Variants in CLDN1 observed in about 807,000 individuals in gnomAD.
The protein encoded by CLDN1 is claudin 1.
Under a neutral mutation model 22.6 loss-of-function variants are expected in CLDN1, and 12 were observed. That is an observed-to-expected ratio of 0.53 (90% CI 0.34 to 0.86). CLDN1 has a LOEUF of 0.86. Among genes scored for constraint, CLDN1 ranks in the 40% least tolerant of loss-of-function variants. The pLI, the probability that CLDN1 is intolerant of heterozygous loss-of-function variation, is 0.02. For missense variants in CLDN1, 250 were observed against 269.5 expected (o/e 0.93, Z 0.51); for synonymous variants, 99 against 103.8 (o/e 0.95, Z 0.28).
chr3:190,315,668 A>C (rs1716746371), intron 1 of CLDN1, among the ~76,000 whole-genome samples: 1 of 152,152 alleles, frequency 6.6e-6, no homozygotes, highest in Non-Finnish European at 1.5e-5. Flanking sequence ...TAATCATTTT[A>C]GATGTTTTCT....
chr3:190,321,890 T>A (rs2108616571), intron 1 of CLDN1, 94 bp downstream of exon 1: 1 of 913,270 alleles, frequency 1.1e-6, no homozygotes, highest in Non-Finnish European at 1.8e-6. Context: ...TGAAGACTGA[T>A]AACCATGGAA....
Position 190,307,415 on chromosome 3 carries a change from A to G in CLDN1, c.*862T>C, listed in dbSNP as rs1456149362. Reference sequence around the variant, plus strand: ...GTGTTACAACACCTGGGGGAACAGCATGCAGCTACTCAATTGGACAAATAT... The same window carrying G: ...GTGTTACAACACCTGGGGGAACAGCGTGCAGCTACTCAATTGGACAAATAT... On this transcript the variant is annotated 3_prime_UTR_variant, in exon 4 of 4. Transcript: ENST00000295522. 1 of 152,254 alleles carries G rather than the reference A, an allele frequency of 6.6e-6. No individual in the cohort carries two copies. Among genetic ancestry groups the G allele is most frequent in the Non-Finnish European group, 1.5e-5 (1 of 68,044 alleles). The allele number at this position is 152,254 out of a possible 1,614,324, so 9.4% of individuals were successfully genotyped here. A position where few individuals can be genotyped will look rare whatever the true frequency, so the allele number is the denominator to read the frequency against.
rs563037223 is a variant in CLDN1, at chr3:190,306,728, G to A, written c.*1549C>T. The A allele has an allele frequency of 2.0e-5, 3 of 152,774 alleles. No homozygotes were observed. Among genetic ancestry groups the A allele is most frequent in the South Asian group, 4.1e-4 (2 of 4,820 alleles). 9.5% of individuals were successfully genotyped at this position (152,774 alleles called of 1,614,324 possible). ...AGTGAAATAGCATTCTGTACAGACT[G>A]GAAAAGTAAGAGCAGTTGTTAAAAT... On this transcript the variant is annotated 3_prime_UTR_variant, in exon 4 of 4. Coordinates refer to ENST00000295522, the MANE Select transcript of CLDN1 (RefSeq NM_021101.5).
intron 1 of CLDN1, among the ~76,000 whole-genome samples, chr3:190,319,769 T>G (rs1433705405): frequency 6.6e-6 from 1 of 152,204 alleles, no homozygotes; most frequent in Non-Finnish European, 1.5e-5. Context: ...CATCTCTACA[T>G]GTAACAAAAC....
Position 190,322,215 on chromosome 3 carries a change from C to T in CLDN1, c.-9G>A. 1.2e-6 allele frequency: 2 copies of T among 1,612,790 alleles called. No individual in the cohort carries two copies. Among genetic ancestry groups the T allele is most frequent in the Non-Finnish European group, 8.5e-7 (1 of 1,179,730 alleles). On this transcript the variant is annotated 5_prime_UTR_variant, in exon 1 of 4. Coordinates refer to ENST00000295522, the MANE Select transcript of CLDN1 (RefSeq NM_021101.5). ...AGCCCCGCGTTGGCCATGACTCGCT[C>T]GGGCGCCCGCGCTGGCTCAGGGGTG...
intron 1 of CLDN1, among the ~76,000 whole-genome samples, chr3:190,320,771 T>TG (rs1032888134): frequency 6.6e-6 from 1 of 152,166 alleles, no homozygotes; most frequent in African/African-American, 2.4e-5. Context: ...TGGGGGCCAG[T>TG]GGGCAGTCAC....
At position 190,308,255 on chromosome 3, in the gene CLDN1, A is replaced by G; in HGVS notation, c.*22T>C. 6.2e-7 allele frequency: 1 copy of G among 1,613,312 alleles called. No individual in the cohort carries two copies. The highest frequency in any genetic ancestry group is 8.5e-7 in the Non-Finnish European group (1 of 1,179,560). On this transcript the variant is annotated 3_prime_UTR_variant, in exon 4 of 4. Transcript: ENST00000295522. Reference sequence around the variant, plus strand: ...TCCATTTTCGGTTTGTTTCAACATGATTTTCTCCTTTTGCCTCTGTGTCAC... The same window carrying G: ...TCCATTTTCGGTTTGTTTCAACATGGTTTTCTCCTTTTGCCTCTGTGTCAC...
intron 3 of CLDN1, 92 bp downstream of exon 3, chr3:190,310,077 A>T: frequency 9.7e-7 from 1 of 1,026,574 alleles, no homozygotes; most frequent in Admixed American, 1.8e-5. Context: ...TTGAAAGCAA[A>T]TCTGGGAAAT....
chr3:190,314,012 T>C (rs901457865), intron 1 of CLDN1, among the ~76,000 whole-genome samples: 9 of 152,242 alleles, frequency 5.9e-5, no homozygotes, highest in African/African-American at 2.2e-4. Flanking sequence ...CACTATATCA[T>C]TGACAGTGAT....
At position 190,322,186 on chromosome 3, in the gene CLDN1, C is replaced by G. The variant is rs776319428; in HGVS notation, c.21G>C (p.Gln7His). 6.2e-7 allele frequency: 1 copy of G among 1,613,910 alleles called. No homozygotes were observed. Among genetic ancestry groups the G allele is most frequent in the Non-Finnish European group, 8.5e-7 (1 of 1,180,044 alleles). Reference sequence around the variant, plus strand: ...GGAAGGCGAGAATGAAGCCCAACAGCTGCAGCCCCGCGTTGGCCATGACTC... The same window carrying G: ...GGAAGGCGAGAATGAAGCCCAACAGGTGCAGCCCCGCGTTGGCCATGACTC... The part of the protein sequence containing the change: MANAGL[Q>H]LLGFILAFLG... Residue 7 changes from glutamine (Q) to histidine (H), a missense_variant, in exon 1 of 4, where the codon CAG becomes CAC. Physicochemically the swap from Gln to His is conservative, Grantham distance 24. Coordinates refer to ENST00000295522, the MANE Select transcript of CLDN1 (RefSeq NM_021101.5).
At position 190,322,373 on chromosome 3, in the gene CLDN1, G is replaced by A; in HGVS notation, c.-167C>T. On this transcript the variant is annotated 5_prime_UTR_variant, in exon 1 of 4. Coordinates refer to ENST00000295522, the MANE Select transcript of CLDN1 (RefSeq NM_021101.5). The stretch of plus-strand genomic sequence containing the variant: ...CTGGAGAAGCTCTGGGTCGGGGTTG[G>A]GGTCCGCGCCCGGGGCGGCGCTGGA... 1.5e-6 allele frequency: 1 copy of A among 673,826 alleles called. No individual in the cohort carries two copies. The highest frequency in any genetic ancestry group is 2.6e-6 in the Non-Finnish European group (1 of 385,124). The allele number at this position is 673,826 out of a possible 1,614,324, so 41.7% of individuals were successfully genotyped here.
Position 190,308,084 on chromosome 3 carries a change from A to C in CLDN1, c.*193T>G. ...AAATCTTCCCTCCTATATTGAGGAA[A>C]GAAGATAAAATAAGATTAAGCCATG... On this transcript the variant is annotated 3_prime_UTR_variant, in exon 4 of 4. Coordinates refer to ENST00000295522, the MANE Select transcript of CLDN1 (RefSeq NM_021101.5). 1.6e-6 allele frequency: 1 copy of C among 623,796 alleles called. No homozygotes were observed. The highest frequency in any genetic ancestry group is 2.7e-5 in the Admixed American group (1 of 37,560). 38.6% of individuals were successfully genotyped at this position (623,796 alleles called of 1,614,324 possible).
At chr3:190,314,200 G>T (rs1716701629) in intron 1 of CLDN1, among the ~76,000 whole-genome samples, 1 of 152,122 alleles carries the variant, frequency 6.6e-6, no homozygotes, top group South Asian at 2.1e-4. Flanking sequence ...CTTTAAAAGT[G>T]GCTGAGATGT....
chr3:190,315,080 A>G (rs6809986), intron 1 of CLDN1, among the ~76,000 whole-genome samples: 4,517 of 152,278 alleles, frequency 0.03, 220 homozygotes, highest in African/African-American at 0.1. Context: ...TTTCTGATGG[A>G]TGGTTTTTGC....
Position 190,307,362 on chromosome 3 carries a change from G to A in CLDN1, c.*915C>T, listed in dbSNP as rs1403216274. ...TAGGGGGATATAAAACTATGAATAAGTAGCTTAAAAATTCAATCAATAAAG... is the reference window on the plus strand; with the variant it reads ...TAGGGGGATATAAAACTATGAATAAATAGCTTAAAAATTCAATCAATAAAG... On this transcript the variant is annotated 3_prime_UTR_variant, in exon 4 of 4. Transcript: ENST00000295522. The A allele has an allele frequency of 2.0e-5, 3 of 152,176 alleles. No homozygotes were observed. The highest frequency in any genetic ancestry group is 1.3e-4 in the Admixed American group (2 of 15,262). The allele number at this position is 152,176 out of a possible 1,614,324, so 9.4% of individuals were successfully genotyped here.
At chr3:190,318,813 G>A (rs1192790183) in intron 1 of CLDN1, among the ~76,000 whole-genome samples, 1 of 152,178 alleles carries the variant, frequency 6.6e-6, no homozygotes, top group African/African-American at 2.4e-5. Flanking sequence ...GACTGTCCAC[G>A]TCAGTGATTT....
intron 3 of CLDN1, among the ~76,000 whole-genome samples, chr3:190,309,041 A>G (rs555453480): frequency 3.9e-5 from 6 of 152,282 alleles, no homozygotes. Context: ...ACGGAAGAGT[A>G]GAGAAGGGTT....
At chr3:190,313,644 A>G (rs533359365) in intron 1 of CLDN1, among the ~76,000 whole-genome samples, 5 of 152,296 alleles carry the variant, frequency 3.3e-5, no homozygotes, top group Admixed American at 3.3e-4. Flanking sequence ...TTAAAACTAA[A>G]CAAAATAACC....
chr3:190,318,543 G>C (rs76715059), intron 1 of CLDN1, among the ~76,000 whole-genome samples: 1 of 152,112 alleles, frequency 6.6e-6, no homozygotes, highest in South Asian at 2.1e-4. Flanking sequence ...TATTTTATAA[G>C]TGGGGTAACT....
Sources: allele counts gnomAD v4.1 joint callset (sites outside exome capture counted in the v4.1 genomes callset), GRCh38; gene constraint gnomAD v4.1.1; transcripts MANE v1.5; gene names NCBI Gene and HGNC (gene_info 2026-07-23, HGNC 2026-07-21).